KPNA6: variants seen among roughly 807,000 people sequenced by gnomAD.
KPNA6 encodes the protein karyopherin subunit alpha 6.
A neutral mutation model predicts 72.0 loss-of-function variants in KPNA6; 9 were observed. That is an observed-to-expected ratio of 0.13 (90% CI 0.08 to 0.22). KPNA6 has a LOEUF of 0.22. Ranked by LOEUF, KPNA6 falls within the 10% of genes least tolerant of loss-of-function variation. The pLI is 1.00. For missense variants in KPNA6, 374 were observed against 655.7 expected (o/e 0.57, Z 4.69); for synonymous variants, 219 against 242.1 (o/e 0.90, Z 0.89).
At chr1:32,148,429 C>T (rs999952430) in intron 1 of KPNA6, among the ~76,000 whole-genome samples, 1 of 151,992 alleles carries the variant, frequency 6.6e-6, no homozygotes, top group Non-Finnish European at 1.5e-5. Context: ...CATTAGAGTT[C>T]ATTGAGCTCC....
intron 1 of KPNA6, among the ~76,000 whole-genome samples, chr1:32,139,686 T>C (rs1036013842): frequency 6.6e-6 from 1 of 152,188 alleles, no homozygotes; most frequent in African/African-American, 2.4e-5. Context: ...GGATGGACAT[T>C]ATAGATTAAA....
intron 1 of KPNA6, among the ~76,000 whole-genome samples, chr1:32,114,451 A>AAATAT (rs982175711): frequency 1.1e-3 from 153 of 145,556 alleles, no homozygotes; most frequent in African/African-American, 2.9e-3. Flanking sequence ...CAAAAAAAAA[A>AAATAT]ATATATATAT....
intron 11 of KPNA6, 117 bp downstream of exon 11, chr1:32,166,347 C>T: frequency 1.6e-6 from 2 of 1,263,688 alleles, no homozygotes; most frequent in Non-Finnish European, 2.2e-6. Context: ...AGTCAATTGG[C>T]CAGGCACGGT....
chr1:32,157,218 TCTC>T (rs1392807481), intron 3 of KPNA6, 125 bp from the exon 4 acceptor site: 1 of 675,252 alleles, frequency 1.5e-6, no homozygotes, highest in East Asian at 2.7e-5. Flanking sequence ...ACAGACCCCT[TCTC>T]CTGAGCCTAT....
At chr1:32,147,224 T>C (rs1209938070) in intron 1 of KPNA6, among the ~76,000 whole-genome samples, 1 of 152,180 alleles carries the variant, frequency 6.6e-6, no homozygotes, top group Non-Finnish European at 1.5e-5. Context: ...TCCCTCATTT[T>C]TGAAGGACAG....
intron 1 of KPNA6, among the ~76,000 whole-genome samples, chr1:32,131,684 G>A (rs540868): frequency 0.019 from 2,777 of 149,460 alleles, 94 homozygotes; most frequent in African/African-American, 0.065. Context: ...TTGTGTGTGC[G>A]TGTGTATATA....
At chr1:32,126,125 A>G (rs532362563) in intron 1 of KPNA6, among the ~76,000 whole-genome samples, 196 of 151,840 alleles carry the variant, frequency 1.3e-3, no homozygotes, top group African/African-American at 4.2e-3. Flanking sequence ...GCCTCAAGCA[A>G]TCCTCCTGCC....
chr1:32,111,785 T>G (rs1179891212), intron 1 of KPNA6, among the ~76,000 whole-genome samples: 3 of 152,180 alleles, frequency 2.0e-5, no homozygotes, highest in African/African-American at 7.2e-5. Context: ...CTATTTCTAC[T>G]ATGCCAAACT....
chr1:32,130,186 A>G (rs1641611879), intron 1 of KPNA6, among the ~76,000 whole-genome samples: 2 of 151,420 alleles, frequency 1.3e-5, no homozygotes, highest in African/African-American at 4.9e-5. Flanking sequence ...TTCAAATATA[A>G]TATCTTGGTT....
At chr1:32,152,833 A>C (rs1366578465) in intron 1 of KPNA6, among the ~76,000 whole-genome samples, 1 of 151,404 alleles carries the variant, frequency 6.6e-6, no homozygotes, top group African/African-American at 2.4e-5. Context: ...CAACAGAGGG[A>C]GACTCTGTCT....
intron 1 of KPNA6, among the ~76,000 whole-genome samples, chr1:32,117,517 T>C (rs967248386): frequency 3.3e-5 from 5 of 151,738 alleles, no homozygotes; most frequent in African/African-American, 4.8e-5. Flanking sequence ...TGGCTGGGTA[T>C]GCTGGCTGAC....
In KPNA6 at chr1:32,156,955, C is replaced by A; in HGVS notation, c.231+10C>A. 1 of 1,599,710 alleles carries A rather than the reference C, an allele frequency of 6.3e-7. No individual in the cohort carries two copies. Among genetic ancestry groups the A allele is most frequent in the Non-Finnish European group, 8.6e-7 (1 of 1,167,646 alleles). On this transcript the variant is annotated intron_variant, in intron 3 of 13. Transcript: ENST00000373625. Reference sequence around the variant, plus strand: ...GAGCTCTACCACTGGGGTAAGGCCCCTGCATGTGCCTCAGGCTGACCTGGA... The same window carrying A: ...GAGCTCTACCACTGGGGTAAGGCCCATGCATGTGCCTCAGGCTGACCTGGA...
At chr1:32,111,236 T>G (rs1569980641) in intron 1 of KPNA6, among the ~76,000 whole-genome samples, 1 of 152,312 alleles carries the variant, frequency 6.6e-6, no homozygotes, top group East Asian at 1.9e-4. Flanking sequence ...TGGGAAACTG[T>G]CTCGGAGAAG....
In KPNA6 at chr1:32,174,871, T is replaced by C. The variant is rs545715670; in HGVS notation, c.*3977T>C. 2.0e-5 allele frequency: 3 copies of C among 152,362 alleles called. No individual in the cohort carries two copies. The highest frequency in any genetic ancestry group is 1.3e-4 in the Admixed American group (2 of 15,312). 9.4% of individuals were successfully genotyped at this position (152,362 alleles called of 1,614,324 possible). A position where few individuals can be genotyped will look rare whatever the true frequency, so the allele number is the denominator to read the frequency against. ...ATTTAGTGAGTGTGAGACTGAGATA[T>C]TGCTCAGAATAAATTTATTCCATAG... On this transcript the variant is annotated 3_prime_UTR_variant, in exon 14 of 14. Coordinates refer to ENST00000373625, the MANE Select transcript of KPNA6 (RefSeq NM_012316.5).
intron 1 of KPNA6, among the ~76,000 whole-genome samples, chr1:32,150,127 C>CTTTTTTTTTTTTTTTTTTT (rs35179721): frequency 1.1e-5 from 1 of 87,058 alleles, no homozygotes; most frequent in African/African-American, 4.5e-5. Flanking sequence ...AATTTTTAGT[C>CTTTTTTTTTTTTTTTTTTT]TTTTTTTTTT....
rs774987637 is a variant in KPNA6, at chr1:32,159,423, G to A, written c.450G>A (p.Thr150=). The part of the protein sequence containing the change: ...TLQFEAAWAL[T]NIASGTSQQT... ...AGTTTGAAGCTGCCTGGGCTCTAACGAATATTGCCTCTGGAACCTCTCAGC... is the reference window on the plus strand; with the variant it reads ...AGTTTGAAGCTGCCTGGGCTCTAACAAATATTGCCTCTGGAACCTCTCAGC... The change falls in exon 6 of 14, where the codon ACG becomes ACA. Residue 150 remains threonine, a synonymous_variant. Transcript: ENST00000373625. 3.8e-5 allele frequency: 62 copies of A among 1,614,028 alleles called. No homozygotes were observed. In the Admixed American group the frequency reaches 6.8e-4, roughly 18 times the overall value.
In KPNA6 at chr1:32,171,091, A is replaced by C; in HGVS notation, c.*197A>C. 1 of 573,824 alleles carries C rather than the reference A, an allele frequency of 1.7e-6. No homozygotes were observed. The highest frequency in any genetic ancestry group is 2.3e-5 in the South Asian group (1 of 43,866). 35.5% of individuals were successfully genotyped at this position (573,824 alleles called of 1,614,324 possible). On this transcript the variant is annotated 3_prime_UTR_variant, in exon 14 of 14. Transcript: ENST00000373625. Reference sequence around the variant, plus strand: ...GGACAGACAGAACCATCTGAGGCTCACCTTTGGGTTTTGTGACAAGAAGGG... The same window carrying C: ...GGACAGACAGAACCATCTGAGGCTCCCCTTTGGGTTTTGTGACAAGAAGGG...
Position 32,108,153 on chromosome 1 carries a change from C to CAGTA in KPNA6, c.4+20_4+23dup, listed in dbSNP as rs1641176692. Reference sequence around the variant, plus strand: ...GCGATGGGTGAGTGAGGAAACCACGCAGTAGGGTTCTTGGGCTCAGGGAGT... The same window carrying CAGTA: ...GCGATGGGTGAGTGAGGAAACCACGCAGTAAGTAGGGTTCTTGGGCTCAGGGAGT... On this transcript the variant is annotated intron_variant, in intron 1 of 13. Transcript: ENST00000373625. 6.2e-7 allele frequency: 1 copy of CAGTA among 1,613,878 alleles called. No individual in the cohort carries two copies. The highest frequency in any genetic ancestry group is 1.1e-5 in the South Asian group (1 of 91,080).
intron 1 of KPNA6, among the ~76,000 whole-genome samples, chr1:32,121,361 C>G (rs1641430348): frequency 6.6e-6 from 1 of 152,138 alleles, no homozygotes; most frequent in African/African-American, 2.4e-5. Flanking sequence ...GCTTTGAGAG[C>G]AGAGTGGATA....
Sources: allele counts gnomAD v4.1 joint callset (sites outside exome capture counted in the v4.1 genomes callset), GRCh38; gene constraint gnomAD v4.1.1; transcripts MANE v1.5; gene names NCBI Gene and HGNC (gene_info 2026-07-23, HGNC 2026-07-21).